The following LRMDA variants were observed in gnomAD, a reference collection of about 807,000 sequenced individuals.
The protein encoded by LRMDA is leucine rich melanocyte differentiation associated, also known as leucine-rich melanocyte differentiation-associated protein.
In LRMDA, 18 loss-of-function variants were observed where a neutral mutation model predicts 29.8. The ratio of observed to expected loss-of-function variants is 0.60; its 90% confidence interval spans 0.42 to 0.90. The LOEUF is 0.90. Among genes scored for constraint, LRMDA ranks in the 40% least tolerant of loss-of-function variants. The pLI is 0.00. For synonymous variants in LRMDA, 125 were observed against 109.4 expected, an observed-to-expected ratio of 1.14 and a Z score of -0.89; for missense variants, 273 against 273.9, an observed-to-expected ratio of 1.00 and a Z score of 0.02.
intron 2 of LRMDA, among the ~76,000 whole-genome samples, chr10:75,891,484 C>A (rs1026277128): frequency 3.3e-5 from 5 of 152,288 alleles, no homozygotes; most frequent in African/African-American, 7.2e-5. Context: ...CAGAAGCTTG[C>A]TGGTGACTTT....
At chr10:75,737,349 T>C (rs1842778240) in intron 2 of LRMDA, among the ~76,000 whole-genome samples, 1 of 152,216 alleles carries the variant, frequency 6.6e-6, no homozygotes, top group Non-Finnish European at 1.5e-5. Flanking sequence ...TTCCCTGGCA[T>C]TCCCTGAGCC....
chr10:76,109,474 A>G (rs886744693), intron 5 of LRMDA, among the ~76,000 whole-genome samples: 4 of 152,194 alleles, frequency 2.6e-5, no homozygotes, highest in South Asian at 2.1e-4. Flanking sequence ...TATCTTGCAT[A>G]GTCAGTGCTC....
intron 2 of LRMDA, among the ~76,000 whole-genome samples, chr10:75,956,854 C>T (rs918826423): frequency 6.6e-6 from 1 of 152,170 alleles, no homozygotes; most frequent in South Asian, 2.1e-4. Flanking sequence ...CATGGCTTCA[C>T]CCAGCTGCAA....
intron 2 of LRMDA, among the ~76,000 whole-genome samples, chr10:75,796,239 A>G (rs1025255981): frequency 9.2e-5 from 14 of 152,204 alleles, no homozygotes; most frequent in African/African-American, 3.1e-4. Flanking sequence ...AGAAGAGGTG[A>G]GAACAGACAT....
At chr10:75,501,171 T>C (rs1845108668) in intron 2 of LRMDA, among the ~76,000 whole-genome samples, 1 of 152,204 alleles carries the variant, frequency 6.6e-6, no homozygotes, top group Non-Finnish European at 1.5e-5. Context: ...AATGCCTTTT[T>C]TTTTCCCACC....
In LRMDA at chr10:75,855,674, C is replaced by T. The variant is rs1844813207; in HGVS notation, c.132-180334C>T. Among the ~76,000 whole-genome samples, 8 of 152,184 alleles carry T rather than the reference C, an allele frequency of 5.3e-5. 1 individual carries two copies. The South Asian group carries it at 1.7e-3, about 32-fold the overall frequency. ...TCCTGAATGGTATTGCCTAGGTTTT[C>T]TTCTAGGGTTTTTATGGTTTTAAGT... On this transcript the variant is annotated intron_variant, in intron 2 of 6. Transcript: ENST00000611255.
chr10:76,170,726 A>G (rs1850819992), intron 5 of LRMDA, among the ~76,000 whole-genome samples: 1 of 152,254 alleles, frequency 6.6e-6, no homozygotes, highest in Non-Finnish European at 1.5e-5. Context: ...TTAAAATTCT[A>G]TAAAATGGTT....
At chr10:75,766,794 T>G (rs1464623028) in intron 2 of LRMDA, among the ~76,000 whole-genome samples, 2 of 152,026 alleles carry the variant, frequency 1.3e-5, no homozygotes, top group Non-Finnish European at 2.9e-5. Flanking sequence ...TCCCTCCCCT[T>G]TCCCCCATTC....
At chr10:76,364,819 C>T (rs576488101) in intron 6 of LRMDA, among the ~76,000 whole-genome samples, 1 of 151,542 alleles carries the variant, frequency 6.6e-6, no homozygotes, top group Non-Finnish European at 1.5e-5. Context: ...ATACACTGCA[C>T]CACATTTGTA....
chr10:75,657,846 G>A (rs141061883), intron 2 of LRMDA, among the ~76,000 whole-genome samples: 23 of 152,232 alleles, frequency 1.5e-4, no homozygotes, highest in African/African-American at 3.1e-4. Context: ...CAGTAGATGT[G>A]TGGATTTCTT....
chr10:76,483,155 G>A (rs912324196), intron 6 of LRMDA, among the ~76,000 whole-genome samples: 6 of 151,856 alleles, frequency 4.0e-5, no homozygotes, highest in African/African-American at 1.2e-4. Flanking sequence ...ATTGTAGTTT[G>A]CATTTTTCAT....
At chr10:75,854,252 T>C (rs1844783351) in intron 2 of LRMDA, among the ~76,000 whole-genome samples, 1 of 152,156 alleles carries the variant, frequency 6.6e-6, no homozygotes. Context: ...CATGTGTCAT[T>C]TATTGCTCAA....
intron 2 of LRMDA, among the ~76,000 whole-genome samples, chr10:75,934,406 G>A (rs1273334953): frequency 6.6e-6 from 1 of 152,186 alleles, no homozygotes; most frequent in African/African-American, 2.4e-5. Context: ...GGAAAGGCCA[G>A]GAGAGGTATG....
rs1843624647 is a variant in LRMDA at position 75,794,823 on chromosome 10, A to G, written c.132-241185A>G. On this transcript the variant is annotated intron_variant, in intron 2 of 6. Transcript: ENST00000611255. ...TCCTTTGTCAGATATCTATATATCT[A>G]CATCCTATGTCTATATTTATTTATT... is the stretch of plus-strand genomic sequence containing the variant. 2.6e-5 allele frequency among the ~76,000 whole-genome samples: 4 copies of G among 152,220 alleles called. No homozygotes were observed. In the South Asian group the frequency reaches 8.3e-4, roughly 31 times the overall value.
chr10:76,214,552 G>A (rs1412663361), intron 5 of LRMDA, among the ~76,000 whole-genome samples: 2 of 151,692 alleles, frequency 1.3e-5, no homozygotes, highest in Admixed American at 1.3e-4. Context: ...CACCTTGTTA[G>A]CCAGGATGGT....
intron 2 of LRMDA, among the ~76,000 whole-genome samples, chr10:75,802,932 ATG>A (rs71024568): frequency 0.3 from 40,775 of 135,018 alleles, 6,888 homozygotes; most frequent in South Asian, 0.41. Flanking sequence ...TTAATACATT[ATG>A]TGTGTGTGTG....
At chr10:76,072,666 C>T (rs1044856753) in intron 5 of LRMDA, among the ~76,000 whole-genome samples, 37 of 152,128 alleles carry the variant, frequency 2.4e-4, no homozygotes, top group African/African-American at 8.2e-4. Context: ...GGGAGAATGG[C>T]AGAAGGACAT....
intron 2 of LRMDA, among the ~76,000 whole-genome samples, chr10:75,522,198 A>T (rs991847896): frequency 2.6e-5 from 4 of 152,198 alleles, no homozygotes; most frequent in African/African-American, 7.2e-5. Context: ...TGAAGTAGAT[A>T]CTGCGACTAT....
At chr10:76,333,132 G>C (rs1368295241) in intron 6 of LRMDA, among the ~76,000 whole-genome samples, 2 of 152,170 alleles carry the variant, frequency 1.3e-5, no homozygotes, top group Admixed American at 1.3e-4. Context: ...AATGGGTAAA[G>C]ATAAAGCACA....
Sources: allele counts gnomAD v4.1 joint callset (sites outside exome capture counted in the v4.1 genomes callset), GRCh38; gene constraint gnomAD v4.1.1; transcripts MANE v1.5; gene names NCBI Gene and HGNC (gene_info 2026-07-23, HGNC 2026-07-21).